FHIT: variants seen among roughly 807,000 people sequenced by gnomAD.
FHIT encodes the protein fragile histidine triad diadenosine triphosphatase.
FHIT carries 19 observed loss-of-function variants against 17.9 expected under a neutral mutation model. The ratio of observed to expected loss-of-function variants is 1.06; its 90% CI spans 0.74 to 1.56. The LOEUF is 1.56. Ranked by LOEUF, FHIT falls within the 40% of genes most tolerant of loss-of-function variation. The pLI, the probability that FHIT is intolerant of heterozygous loss-of-function variation, is 0.00. For missense variants in FHIT, 248 were observed against 189.2 expected (o/e 1.31, Z -1.82); for synonymous variants, 81 against 69.7 (o/e 1.16, Z -0.81).
At chr3:60,968,628 G>A (rs1347912812) in intron 3 of FHIT, among the ~76,000 whole-genome samples, 2 of 152,140 alleles carry the variant, frequency 1.3e-5, no homozygotes, top group South Asian at 2.1e-4. Flanking sequence ...GGCCAGGCTG[G>A]TCTCGAACTC....
intron 5 of FHIT, 146 bp from the exon 6 acceptor site, chr3:60,014,298 C>A (rs1032316580): frequency 1.4e-6 from 1 of 717,624 alleles, no homozygotes; most frequent in Non-Finnish European, 2.2e-6. Context: ...TTACCATCCA[C>A]TGAACTCCAG....
At chr3:61,134,210 T>G (rs534930696) in intron 2 of FHIT, among the ~76,000 whole-genome samples, 3 of 152,018 alleles carry the variant, frequency 2.0e-5, no homozygotes, top group East Asian at 3.9e-4. Flanking sequence ...GGGGGTTGGC[T>G]CATAAGCCTC....
In FHIT at chr3:60,259,879, T is replaced by C. The variant is rs191150356; in HGVS notation, c.104-245727A>G. Among the ~76,000 whole-genome samples the C allele has an allele frequency of 5.2e-4, 79 of 152,094 alleles. 1 individual carries two copies. The East Asian group carries it at 0.015, about 28-fold the overall frequency. ...ATTTCCTATGCCAACTCAGGGAGTG[T>C]GAACTTCACCCTGGCAATGGGATGA... is the stretch of plus-strand genomic sequence containing the variant. On this transcript the variant is annotated intron_variant, in intron 5 of 9. Coordinates refer to ENST00000492590, the MANE Select transcript of FHIT (RefSeq NM_002012.4).
intron 4 of FHIT, among the ~76,000 whole-genome samples, chr3:60,606,766 C>T (rs929520770): frequency 6.6e-6 from 1 of 152,180 alleles, no homozygotes; most frequent in Non-Finnish European, 1.5e-5. Context: ...ATGCCACTCA[C>T]TCACTCATTG....
chr3:60,150,619 T>C (rs1700424771), intron 5 of FHIT, among the ~76,000 whole-genome samples: 2 of 152,172 alleles, frequency 1.3e-5, no homozygotes, highest in Admixed American at 1.3e-4. Flanking sequence ...TTAATTATTT[T>C]AAGAAAAGAA....
chr3:59,983,114 T>A (rs757226396), intron 7 of FHIT, among the ~76,000 whole-genome samples: 4 of 151,950 alleles, frequency 2.6e-5, no homozygotes, highest in Non-Finnish European at 4.4e-5. Context: ...AATATTTGTA[T>A]TTTTTGTAGA....
At chr3:60,342,865 T>A (rs1002119952) in intron 5 of FHIT, among the ~76,000 whole-genome samples, 2 of 152,166 alleles carry the variant, frequency 1.3e-5, no homozygotes, top group Non-Finnish European at 2.9e-5. Flanking sequence ...AGTTCTATCA[T>A]AGAGGATCTC....
rs555561980 is a variant in FHIT at position 60,421,047 on chromosome 3, T to C, written c.103+115813A>G. On this transcript the variant is annotated intron_variant, in intron 5 of 9. Coordinates refer to ENST00000492590, the MANE Select transcript of FHIT (RefSeq NM_002012.4). ...TCCCACTACTTTTTTTTTTTTTTTT[T>C]CTAAAGAGAGAATAAAGCTTTGGCC... Among the ~76,000 whole-genome samples the C allele has an allele frequency of 6.3e-4, 88 of 139,264 alleles. 3 individuals carry two copies. In the South Asian group the frequency reaches 0.018, roughly 28 times the overall value. The allele number at this position is 139,264 out of a possible 152,430, so 91.4% of individuals were successfully genotyped here.
intron 4 of FHIT, among the ~76,000 whole-genome samples, chr3:60,611,333 T>C (rs1553673504): frequency 1.3e-5 from 2 of 152,178 alleles, no homozygotes; most frequent in East Asian, 1.9e-4. Flanking sequence ...AAAGCTAACA[T>C]CGAGCCAAGT....
chr3:60,976,150 A>C (rs1184492060), intron 3 of FHIT, among the ~76,000 whole-genome samples: 1 of 109,270 alleles, frequency 9.2e-6, no homozygotes, highest in Non-Finnish European at 1.7e-5. Flanking sequence ...TCTGTTGCCC[A>C]AGCTGGAGTG....
At chr3:61,123,723 T>TA (rs1394217877) in intron 2 of FHIT, among the ~76,000 whole-genome samples, 1 of 152,162 alleles carries the variant, frequency 6.6e-6, no homozygotes, top group African/African-American at 2.4e-5. Context: ...AGTGTAGTAA[T>TA]AAATGTTCAG....
intron 4 of FHIT, among the ~76,000 whole-genome samples, chr3:60,797,126 T>C (rs189192231): frequency 6.6e-6 from 1 of 152,316 alleles, no homozygotes; most frequent in African/African-American, 2.4e-5. Flanking sequence ...AGTGAAGTGA[T>C]TAGAAAACAC....
chr3:60,163,296 G>C lies in FHIT; in HGVS notation c.104-149144C>G, dbSNP rs920447647. Among the ~76,000 whole-genome samples the C allele has an allele frequency of 1.1e-4, 17 of 152,132 alleles. No individual in the cohort carries two copies. The South Asian group carries it at 3.1e-3, about 28-fold the overall frequency. ...TTTCTGTTACAATACATGCTACTAT[G>C]TCACCTCCAAAGGTAGGTAGGTACT... On this transcript the variant is annotated intron_variant, in intron 5 of 9. Coordinates refer to ENST00000492590, the MANE Select transcript of FHIT (RefSeq NM_002012.4).
chr3:60,180,489 C>T lies in FHIT; in HGVS notation c.104-166337G>A, dbSNP rs528463657. Among the ~76,000 whole-genome samples the T allele has an allele frequency of 1.5e-4, 23 of 152,294 alleles. No individual in the cohort carries two copies. In the South Asian group the frequency reaches 2.1e-3, roughly 14 times the overall value. ...GAAGGAATTTTCATGGAGACAAAAT[C>T]GAGCAGAGACTGGATCTGCCAAAGA... On this transcript the variant is annotated intron_variant, in intron 5 of 9. Coordinates refer to ENST00000492590, the MANE Select transcript of FHIT (RefSeq NM_002012.4).
intron 7 of FHIT, among the ~76,000 whole-genome samples, chr3:59,946,640 A>G (rs530777335): frequency 5.4e-4 from 82 of 152,266 alleles, no homozygotes; most frequent in Non-Finnish European, 7.4e-4. Context: ...ATTTGGTATG[A>G]TGTTGGCTAT....
intron 4 of FHIT, among the ~76,000 whole-genome samples, chr3:60,781,588 T>A (rs184593294): frequency 6.6e-6 from 1 of 152,218 alleles, no homozygotes; most frequent in Admixed American, 6.5e-5. Context: ...TTATAGTCAC[T>A]TGACCTCTCT....
chr3:60,029,879 T>TGTGTGTGTGTGTGTG (rs1553655670), intron 5 of FHIT, among the ~76,000 whole-genome samples: 1 of 131,402 alleles, frequency 7.6e-6, no homozygotes, highest in African/African-American at 2.8e-5. Context: ...CATAGAAGCA[T>TGTGTGTGTGTGTGTG]TGTGTGTGTG....
intron 5 of FHIT, among the ~76,000 whole-genome samples, chr3:60,111,007 T>C (rs1704644330): frequency 6.6e-6 from 1 of 152,066 alleles, no homozygotes; most frequent in African/African-American, 2.4e-5. Flanking sequence ...CAAAATGACG[T>C]GGGTCAGAAG....
intron 3 of FHIT, among the ~76,000 whole-genome samples, chr3:60,966,703 A>G (rs888505194): frequency 3.9e-5 from 6 of 152,252 alleles, no homozygotes; most frequent in Non-Finnish European, 8.8e-5. Context: ...GGAAGGAGAC[A>G]ATAATGGCTG....
Sources: gnomAD v4.1 joint callset for allele counts (sites outside exome capture counted in the v4.1 genomes callset) on GRCh38, gnomAD v4.1.1 for gene constraint, MANE v1.5 for transcripts, NCBI Gene and HGNC (gene_info 2026-07-23, HGNC 2026-07-21) for gene names.